Variants in LARS1 observed in about 807,000 individuals in gnomAD.
LARS1 encodes leucyl-tRNA synthetase 1, also known as leucine--tRNA ligase, cytoplasmic.
Under a neutral mutation model 162.8 loss-of-function variants are expected in LARS1, and 100 were observed. That is an observed-to-expected ratio of 0.61 (90% CI 0.52 to 0.73). The LOEUF (loss-of-function observed/expected upper bound fraction) is 0.73. Among genes scored for constraint, LARS1 ranks in the 30% least tolerant of loss-of-function variants. The pLI is 0.00. For missense variants in LARS1, 1,258 were observed against 1,408.9 expected, an observed-to-expected ratio of 0.89 and a Z score of 1.71; for synonymous variants, 457 against 462.8, an observed-to-expected ratio of 0.99 and a Z score of 0.16.
Position 146,164,375 on chromosome 5 carries a change from C to A in LARS1, c.529G>T (p.Ala177Ser), listed in dbSNP as rs1561827156. 1.2e-6 allele frequency: 2 copies of A among 1,614,080 alleles called. No individual in the cohort carries two copies. The highest frequency in any genetic ancestry group is 1.7e-6 in the Non-Finnish European group (2 of 1,179,970). The change falls in exon 6 of 32, where the codon GCA (alanine) becomes TCA (serine). Residue 177 changes from alanine to serine, a missense_variant. Transcript: ENST00000394434. ...GGGAAATAATCAAGCCAATGTTCTGCTTCAGAAAATTTTACTATCTCTTCA... is the reference window on the plus strand; with the variant it reads ...GGGAAATAATCAAGCCAATGTTCTGATTCAGAAAATTTTACTATCTCTTCA... ...SDEEIVKFSE[A>S]EHWLDYFPPL...
At chr5:146,181,503 A>C (rs1754839018) in intron 1 of LARS1, among the ~76,000 whole-genome samples, 1 of 151,952 alleles carries the variant, frequency 6.6e-6, no homozygotes, top group East Asian at 1.9e-4. Context: ...AAATACAAAA[A>C]ATTAGCAGGG....
At chr5:146,116,641 T>G (rs1764226226) in intron 31 of LARS1, among the ~76,000 whole-genome samples, 1 of 152,192 alleles carries the variant, frequency 6.6e-6, no homozygotes, top group Non-Finnish European at 1.5e-5. Context: ...AGAGAAAAGA[T>G]GAGAGTGATT....
chr5:146,168,284 A>T lies in LARS1; in HGVS notation c.295-19T>A. 6.3e-7 allele frequency: 1 copy of T among 1,578,110 alleles called. No individual in the cohort carries two copies. The highest frequency in any genetic ancestry group is 8.6e-7 in the Non-Finnish European group (1 of 1,168,082). ...CACATGCCTACAACGAATATTAGAG[A>T]TAATGAAGTTCAAAATCAAGGTAGA... On this transcript the variant is annotated intron_variant, in intron 4 of 31. Transcript: ENST00000394434.
At chr5:146,159,936 A>C (rs1753702659) in intron 7 of LARS1, among the ~76,000 whole-genome samples, 2 of 152,130 alleles carry the variant, frequency 1.3e-5, no homozygotes, top group Non-Finnish European at 2.9e-5. Flanking sequence ...ACTGAACATA[A>C]TCTTTAGTAA....
At chr5:146,150,224 T>C (rs989441760) in intron 14 of LARS1, among the ~76,000 whole-genome samples, 3 of 152,228 alleles carry the variant, frequency 2.0e-5, no homozygotes, top group Non-Finnish European at 4.4e-5. Flanking sequence ...TTATCCATTG[T>C]TGCCATCAAT....
At chr5:146,141,371 T>C (rs775354171) in intron 20 of LARS1, among the ~76,000 whole-genome samples, 3 of 152,198 alleles carry the variant, frequency 2.0e-5, no homozygotes, top group Non-Finnish European at 4.4e-5. Flanking sequence ...CATAAGCTCT[T>C]GATGTCAATA....
At chr5:146,122,294 T>C (rs562949700) in intron 30 of LARS1, among the ~76,000 whole-genome samples, 198 bp downstream of exon 30, 1 of 152,246 alleles carries the variant, frequency 6.6e-6, no homozygotes, top group African/African-American at 2.4e-5. Flanking sequence ...AAAAGGTAAG[T>C]ATTGCACTGA....
intron 1 of LARS1, 110 bp downstream of exon 1, chr5:146,182,378 T>G (rs1581103808): frequency 1.4e-6 from 2 of 1,423,542 alleles, no homozygotes; most frequent in East Asian, 2.3e-5. Flanking sequence ...GCCTTAAGCG[T>G]GGCTCTCTTT....
chr5:146,128,742 G>A lies in LARS1; in HGVS notation c.2810C>T (p.Thr937Ile), dbSNP rs778215684. The A allele has an allele frequency of 1.2e-6, 2 of 1,602,398 alleles. No homozygotes were observed. Among genetic ancestry groups the A allele is most frequent in the Non-Finnish European group, 8.5e-7 (1 of 1,176,934 alleles). Residue 937 changes from threonine (T) to isoleucine (I), a missense_variant, in exon 27 of 32, where the codon ACC becomes ATC. By Grantham distance (89) the Thr-to-Ile change is moderately conservative. Transcript: ENST00000394434. ...TGGATAGTTCTTTGCCACATAGATG[G>A]TGCAATGTGAGGGCTTCTGCAGGGG... ...KQPLQKPSHC[T>I]IYVAKNYPPW...
Position 146,149,691 on chromosome 5 carries a change from C to G in LARS1, c.1434G>C (p.Leu478Phe). ...CCTTCTGTCCTTTAAATCCATCCACCAACATGATCTAAAAGGATGAGAGGG... is the reference window on the plus strand; with the variant it reads ...CCTTCTGTCCTTTAAATCCATCCACGAACATGATCTAAAAGGATGAGAGGG... ...YLKGFYEGIM[L>F]VDGFKGQKVQ... is the part of the protein sequence containing the mutation. Residue 478 changes from leucine (L) to phenylalanine (F), a missense_variant, in exon 15 of 32, where the codon TTG becomes TTC. Leu to Phe is a conservative substitution (Grantham distance 22). Transcript: ENST00000394434. The G allele has an allele frequency of 6.2e-7, 1 of 1,609,420 alleles. No homozygotes were observed. Among genetic ancestry groups the G allele is most frequent in the East Asian group, 2.2e-5 (1 of 44,800 alleles).
intron 31 of LARS1, among the ~76,000 whole-genome samples, chr5:146,115,007 G>A (rs1298961027): frequency 1.4e-5 from 2 of 141,086 alleles, no homozygotes; most frequent in Non-Finnish European, 3.0e-5. Flanking sequence ...TCGCGCCACT[G>A]CACTCCAGCC....
rs1268356192 is a variant in LARS1, at chr5:146,126,416, C to T, written c.2991+19G>A. On this transcript the variant is annotated intron_variant, in intron 28 of 31. Coordinates refer to ENST00000394434, the MANE Select transcript of LARS1 (RefSeq NM_020117.11). The stretch of plus-strand genomic sequence containing the variant: ...ACCATTGCTCATGTGGTCACAGCTG[C>T]ATAAGGTCCACAGCTTACCTTAATC... The T allele has an allele frequency of 1.4e-6, 2 of 1,467,788 alleles. No homozygotes were observed. Among genetic ancestry groups the T allele is most frequent in the African/African-American group, 1.4e-5 (1 of 72,036 alleles). The allele number at this position is 1,467,788 out of a possible 1,614,324, so 90.9% of individuals were successfully genotyped here.
intron 27 of LARS1, 43 bp downstream of exon 27, chr5:146,128,629 C>A: frequency 7.8e-7 from 1 of 1,281,942 alleles, no homozygotes. Context: ...ACATAGGGAG[C>A]ATACAACACC....
chr5:146,173,396 T>C (rs1754365181), intron 2 of LARS1, among the ~76,000 whole-genome samples: 1 of 151,898 alleles, frequency 6.6e-6, no homozygotes. Flanking sequence ...TAGGCTAATT[T>C]AATATTTTAC....
Position 146,160,506 on chromosome 5 carries a change from A to T in LARS1, c.595-20T>A, listed in dbSNP as rs970866873. ...GTCTACCTATAAAAGGAAAATTTTA[A>T]AAGGCAATTACTGAGAAATACACAA... On this transcript the variant is annotated intron_variant, in intron 6 of 31. Transcript: ENST00000394434. The T allele has an allele frequency of 4.4e-6, 6 of 1,351,590 alleles. No homozygotes were observed. The highest frequency in any genetic ancestry group is 1.0e-6 in the Non-Finnish European group (1 of 994,692). The allele number at this position is 1,351,590 out of a possible 1,614,324, so 83.7% of individuals were successfully genotyped here.
At chr5:146,181,921 C>A (rs1458918327) in intron 1 of LARS1, among the ~76,000 whole-genome samples, 1 of 126,704 alleles carries the variant, frequency 7.9e-6, no homozygotes, top group Non-Finnish European at 1.6e-5. Flanking sequence ...CTCTCCACCT[C>A]GGCTTTATTT....
rs760515987 is a variant in LARS1, at chr5:146,153,917, T to A, written c.1129A>T (p.Met377Leu). The A allele has an allele frequency of 6.2e-7, 1 of 1,612,018 alleles. No individual in the cohort carries two copies. The highest frequency in any genetic ancestry group is 8.5e-7 in the Non-Finnish European group (1 of 1,179,092). The part of the protein sequence containing the change: ...TSYKVIYVLP[M>L]LTIKEDKGTG... ...CCTTTATCCTCCTTAATAGTTAGCA[T>A]TGGGAGAACATAGATCACCTTGTAT... The change falls in exon 11 of 32, where the codon ATG becomes TTG. Residue 377 changes from methionine (M) to leucine (L), a missense_variant. By Grantham distance (15) the Met-to-Leu change is conservative (BLOSUM62 2). Transcript: ENST00000394434.
At chr5:146,152,446 G>T (rs552480615) in intron 13 of LARS1, among the ~76,000 whole-genome samples, 3 of 152,292 alleles carry the variant, frequency 2.0e-5, no homozygotes, top group African/African-American at 7.2e-5. Flanking sequence ...CCTCCTGTCA[G>T]ATCATGGGTG....
intron 8 of LARS1, 85 bp downstream of exon 8, chr5:146,159,322 A>G: frequency 3.8e-6 from 4 of 1,047,512 alleles, no homozygotes; most frequent in Non-Finnish European, 4.4e-6. Flanking sequence ...CACTACAAAG[A>G]AGTTATTTTT....
Sources: allele counts gnomAD v4.1 joint callset (sites outside exome capture counted in the v4.1 genomes callset), GRCh38; gene constraint gnomAD v4.1.1; transcripts MANE v1.5; gene names NCBI Gene and HGNC (gene_info 2026-07-23, HGNC 2026-07-21).